GRK3: variants seen among roughly 807,000 people sequenced by gnomAD.
GRK3 encodes the protein adrenergic, beta, receptor kinase 2.
In GRK3, 54 loss-of-function variants were observed where a neutral mutation model predicts 95.7. That is an observed-to-expected ratio of 0.56 (90% confidence interval 0.45 to 0.71). GRK3 has a LOEUF of 0.71. Among genes scored for constraint, GRK3 ranks in the 30% least tolerant of loss-of-function variants. The pLI, the probability that GRK3 is intolerant of heterozygous loss-of-function variation, is 0.00. For missense variants in GRK3, 649 were observed against 851.2 expected, an observed-to-expected ratio of 0.76 and a Z score of 2.96; for synonymous variants, 281 against 290.8, an observed-to-expected ratio of 0.97 and a Z score of 0.34.
At chr22:25,596,209 G>T (rs572137578) in intron 1 of GRK3, among the ~76,000 whole-genome samples, 1 of 152,276 alleles carries the variant, frequency 6.6e-6, no homozygotes, top group South Asian at 2.1e-4. Context: ...TATTCATGGG[G>T]AAAAATGAGA....
chr22:25,585,134 G>A (rs953662897), intron 1 of GRK3, among the ~76,000 whole-genome samples: 2 of 152,292 alleles, frequency 1.3e-5, no homozygotes, highest in Non-Finnish European at 2.9e-5. Context: ...AGCTCTGCCT[G>A]CCTCGCTATA....
In GRK3 at chr22:25,565,182, C is replaced by T. The variant is rs745319810; in HGVS notation, c.113+29C>T. On this transcript the variant is annotated intron_variant, in intron 1 of 20. Coordinates refer to ENST00000324198, the MANE Select transcript of GRK3 (RefSeq NM_005160.4). ...CCAGCTGCCCCGGCCGGCGCCGGCC[C>T]CAAGCCGCCGCCCCCTGCGGCCGCC... 2.3e-6 allele frequency: 3 copies of T among 1,312,966 alleles called. No individual in the cohort carries two copies. The East Asian group carries it at 9.2e-5, about 40-fold the overall frequency. 81.3% of individuals were successfully genotyped at this position (1,312,966 alleles called of 1,614,324 possible).
intron 13 of GRK3, among the ~76,000 whole-genome samples, chr22:25,697,262 CATTT>C (rs2085216751): frequency 6.6e-6 from 1 of 152,188 alleles, no homozygotes; most frequent in African/African-American, 2.4e-5. Context: ...AACACTGCTT[CATTT>C]TTTAAAAGAC....
At chr22:25,664,001 A>G (rs1227726308) in intron 5 of GRK3, among the ~76,000 whole-genome samples, 1 of 152,226 alleles carries the variant, frequency 6.6e-6, no homozygotes, top group Non-Finnish European at 1.5e-5. Flanking sequence ...GTTTTTGCCC[A>G]TTTGACATTC....
At position 25,648,333 on chromosome 22, in the gene GRK3, G is replaced by A. The variant is rs2084802186; in HGVS notation, c.264+3668G>A. 3 of 1,252,674 alleles carry A rather than the reference G, an allele frequency of 2.4e-6. No individual in the cohort carries two copies. The African/African-American group carries it at 4.4e-5, about 18-fold the overall frequency. 77.6% of individuals were successfully genotyped at this position (1,252,674 alleles called of 1,614,324 possible). Reference sequence around the variant, plus strand: ...ATTGGCAAAACACTACACAGAACATGCTGATGGTTTATGCCACAAGTTAAC... The same window carrying A: ...ATTGGCAAAACACTACACAGAACATACTGATGGTTTATGCCACAAGTTAAC... On this transcript the variant is annotated intron_variant, in intron 3 of 20. Transcript: ENST00000324198.
At chr22:25,636,409 C>A (rs114847760) in intron 2 of GRK3, among the ~76,000 whole-genome samples, 2,602 of 152,294 alleles carry the variant, frequency 0.017, 77 homozygotes, top group African/African-American at 0.06. Flanking sequence ...ATTCTGTTCT[C>A]TTTCCATATT....
chr22:25,647,287 A>G (rs2084792640), intron 3 of GRK3: 1 of 1,169,416 alleles, frequency 8.6e-7, no homozygotes, highest in Admixed American at 1.8e-5. Context: ...AGCAAAGAAA[A>G]CAAAAGTCCA....
At chr22:25,597,282 G>T (rs2084378907) in intron 1 of GRK3, among the ~76,000 whole-genome samples, 1 of 152,108 alleles carries the variant, frequency 6.6e-6, no homozygotes, top group Non-Finnish European at 1.5e-5. Context: ...GTGAAAGATA[G>T]AAAGTTGGGA....
rs144810352 is a variant in GRK3, at chr22:25,722,362, G to A, written c.1979G>A (p.Arg660His). 78 of 1,614,038 alleles carry A rather than the reference G, an allele frequency of 4.8e-5. No individual in the cohort carries two copies. Among genetic ancestry groups the A allele is most frequent in the African/African-American group, 1.2e-4 (9 of 74,928 alleles). The stretch of plus-strand genomic sequence containing the variant: ...AAGGAGGCCCAGCGGCTATTGCGTC[G>A]TGCCCCGAAGTTCCTCAACAAACCT... ...TFKEAQRLLR[R>H]APKFLNKPRS... Residue 660 changes from arginine to histidine, a missense_variant, in exon 21 of 21, where the codon CGT becomes CAT. This residue lies in a region of GRK3 where 382 missense variants were observed against 493.8 expected (regional missense o/e 0.77). Transcript: ENST00000324198.
In GRK3 at chr22:25,661,410, A is replaced by G. The variant is rs144179352; in HGVS notation, c.265-166A>G. On this transcript the variant is annotated intron_variant, in intron 3 of 20. Coordinates refer to ENST00000324198, the MANE Select transcript of GRK3 (RefSeq NM_005160.4). ...TTCTAGTTGAATTTAAATTATTCCA[A>G]CTTCATTATTACAACATTAGAAGTA... 8.9e-4 allele frequency among the ~76,000 whole-genome samples: 135 copies of G among 152,330 alleles called. 2 individuals are homozygous for G. The East Asian group carries it at 0.014, about 16-fold the overall frequency.
At chr22:25,649,224 G>A (rs2084810291) in intron 3 of GRK3, 4 of 1,269,860 alleles carry the variant, frequency 3.1e-6, no homozygotes, top group Middle Eastern at 4.1e-4. Flanking sequence ...CCAGCCAGGA[G>A]AAAACTTCTA....
rs1191680400 is a variant in GRK3 at position 25,723,637 on chromosome 22, T to A, written c.*1187T>A. On this transcript the variant is annotated 3_prime_UTR_variant, in exon 21 of 21. Coordinates refer to ENST00000324198, the MANE Select transcript of GRK3 (RefSeq NM_005160.4). ...GGCCCCACTGATACCCCCAAATAGATGCTGGGTTATGAGAACCAGCGAAAT... is the reference window on the plus strand; with the variant it reads ...GGCCCCACTGATACCCCCAAATAGAAGCTGGGTTATGAGAACCAGCGAAAT... The A allele has an allele frequency of 6.6e-6, 1 of 152,108 alleles. No homozygotes were observed. The highest frequency in any genetic ancestry group is 2.4e-5 in the African/African-American group (1 of 41,426). The allele number at this position is 152,108 out of a possible 1,614,324, so 9.4% of individuals were successfully genotyped here.
chr22:25,653,773 C>T (rs1178729262), intron 3 of GRK3, among the ~76,000 whole-genome samples: 1 of 152,196 alleles, frequency 6.6e-6, no homozygotes, highest in Non-Finnish European at 1.5e-5. Context: ...TCACTGCAAC[C>T]TGTCTCCCGG....
intron 1 of GRK3, among the ~76,000 whole-genome samples, chr22:25,591,146 C>T (rs985297540): frequency 6.6e-6 from 1 of 152,204 alleles, no homozygotes; most frequent in African/African-American, 2.4e-5. Flanking sequence ...CTCCCATGAC[C>T]ATCCTCTCCG....
At chr22:25,586,099 T>C (rs1394260190) in intron 1 of GRK3, among the ~76,000 whole-genome samples, 2 of 152,354 alleles carry the variant, frequency 1.3e-5, no homozygotes, top group East Asian at 3.9e-4. Context: ...GCTTATATCA[T>C]TGTGTAGTTT....
rs781606472 is a variant in GRK3 at position 25,695,209 on chromosome 22, G to A, written c.1155G>A (p.Leu385=). 1.2e-6 allele frequency: 2 copies of A among 1,613,306 alleles called. No homozygotes were observed. The highest frequency in any genetic ancestry group is 1.7e-6 in the Non-Finnish European group (2 of 1,179,250). ...FSLGCMLFKL[L]RGHSPFRQHK... ...TGGGCTGCATGCTTTTCAAACTTCT[G>A]AGAGGGTGAGTTGAAATGCATCCTT... Residue 385 remains leucine (L), a synonymous_variant, in exon 13 of 21, where the codon CTG becomes CTA. Coordinates refer to ENST00000324198, the MANE Select transcript of GRK3 (RefSeq NM_005160.4).
In GRK3 at chr22:25,598,538, A is replaced by G. The variant is rs373108971; in HGVS notation, c.114-5839A>G. On this transcript the variant is annotated intron_variant, in intron 1 of 20. Coordinates refer to ENST00000324198, the MANE Select transcript of GRK3 (RefSeq NM_005160.4). The stretch of plus-strand genomic sequence containing the variant: ...AAAATTTTAAAAATTAGCTGGGCAC[A>G]GTGGCATGCACCTCTCTTCCCAGCT... 7.2e-5 allele frequency among the ~76,000 whole-genome samples: 11 copies of G among 151,900 alleles called. No homozygotes were observed. In the East Asian group the frequency reaches 1.8e-3, roughly 24 times the overall value.
chr22:25,618,823 A>G (rs767254034), intron 2 of GRK3, among the ~76,000 whole-genome samples: 1 of 150,588 alleles, frequency 6.6e-6, no homozygotes, highest in Non-Finnish European at 1.5e-5. Flanking sequence ...TGTCCCTCCT[A>G]GCGCTGCAGT....
rs2085458670 is a variant in GRK3 at position 25,724,430 on chromosome 22, G to A, written c.*1980G>A. The stretch of plus-strand genomic sequence containing the variant: ...AAGATTATTCAACTTTCCCATACTT[G>A]TTCTAAAATTGAGCTGATCCGCATC... On this transcript the variant is annotated 3_prime_UTR_variant, in exon 21 of 21. Transcript: ENST00000324198. 1 of 152,126 alleles carries A rather than the reference G, an allele frequency of 6.6e-6. No individual in the cohort carries two copies. Among genetic ancestry groups the A allele is most frequent in the Non-Finnish European group, 1.5e-5 (1 of 68,024 alleles). The allele number at this position is 152,126 out of a possible 1,614,324, so 9.4% of individuals were successfully genotyped here. A position where few individuals can be genotyped will look rare whatever the true frequency, so the allele number is the denominator to read the frequency against.
Sources: allele counts gnomAD v4.1 joint callset (sites outside exome capture counted in the v4.1 genomes callset), GRCh38; gene constraint gnomAD v4.1.1; regional missense constraint gnomAD v4.1.1; transcripts MANE v1.5; gene names NCBI Gene and HGNC (gene_info 2026-07-23, HGNC 2026-07-21).